CACNB2: variants seen among roughly 807,000 people sequenced by gnomAD.
CACNB2 encodes calcium voltage-gated channel auxiliary subunit beta 2.
A neutral mutation model predicts 73.3 loss-of-function variants in CACNB2; 42 were observed. That is an observed-to-expected ratio of 0.57 (90% CI 0.45 to 0.74). The LOEUF (loss-of-function observed/expected upper bound fraction) is 0.74. Ranked by LOEUF, CACNB2 falls within the 30% of genes least tolerant of loss-of-function variation. CACNB2 has a pLI of 0.00. For synonymous variants in CACNB2, 348 were observed against 310.3 expected, an observed-to-expected ratio of 1.12 and a Z score of -1.28; for missense variants, 940 against 853.0, an observed-to-expected ratio of 1.10 and a Z score of -1.27.
chr10:18,379,201 T>C (rs1456850999), intron 2 of CACNB2, among the ~76,000 whole-genome samples: 2 of 152,150 alleles, frequency 1.3e-5, no homozygotes, highest in Non-Finnish European at 2.9e-5. Flanking sequence ...CACTTCTATT[T>C]ATTTTTATTT....
intron 2 of CACNB2, among the ~76,000 whole-genome samples, chr10:18,367,967 G>A (rs565861546): frequency 7.2e-5 from 11 of 152,224 alleles, no homozygotes; most frequent in South Asian, 2.1e-4. Context: ...TATTTTGGCC[G>A]TCTGGTCATA....
chr10:18,145,035 A>T (rs1189605339), intron 1 of CACNB2, among the ~76,000 whole-genome samples: 3 of 152,152 alleles, frequency 2.0e-5, no homozygotes, highest in Non-Finnish European at 4.4e-5. Context: ...CCTCAGAGAG[A>T]TTGTCAGTGG....
chr10:18,158,092 T>G (rs570437259), intron 2 of CACNB2, among the ~76,000 whole-genome samples: 2 of 152,272 alleles, frequency 1.3e-5, no homozygotes, highest in African/African-American at 2.4e-5. Flanking sequence ...GAACATAAAC[T>G]TTTTGGAATT....
chr10:18,541,169 C>T lies in CACNB2; in HGVS notation c.*1445C>T, dbSNP rs1418801424. The T allele has an allele frequency of 6.6e-6, 1 of 152,646 alleles. No individual in the cohort carries two copies. The highest frequency in any genetic ancestry group is 1.9e-4 in the East Asian group (1 of 5,192). The allele number at this position is 152,646 out of a possible 1,614,324, so 9.5% of individuals were successfully genotyped here. A position where few individuals can be genotyped will look rare whatever the true frequency, so the allele number is the denominator to read the frequency against. On this transcript the variant is annotated 3_prime_UTR_variant, in exon 14 of 14. Transcript: ENST00000324631. The stretch of plus-strand genomic sequence containing the variant: ...GTTTGTTTACCTCCCAGTTACCTAC[C>T]ATTCCTCCCCACCACCGACTCCAGC...
intron 2 of CACNB2, among the ~76,000 whole-genome samples, chr10:18,178,662 A>G (rs892203318): frequency 1.3e-5 from 2 of 152,222 alleles, no homozygotes; most frequent in Non-Finnish European, 2.9e-5. Flanking sequence ...AAAAGCAAAC[A>G]TCTGGCAAGG....
intron 2 of CACNB2, among the ~76,000 whole-genome samples, chr10:18,369,851 G>T (rs2042504258): frequency 6.6e-6 from 1 of 152,228 alleles, no homozygotes; most frequent in Non-Finnish European, 1.5e-5. Context: ...AGGTTGCAGA[G>T]AGCCGAGATC....
intron 2 of CACNB2, among the ~76,000 whole-genome samples, chr10:18,328,978 C>G (rs1382724900): frequency 6.6e-6 from 1 of 152,204 alleles, no homozygotes; most frequent in Non-Finnish European, 1.5e-5. Context: ...TGATTGCTCT[C>G]AGGGCTCTCA....
At chr10:18,396,449 T>C (rs764122161) in intron 2 of CACNB2, among the ~76,000 whole-genome samples, 4 of 152,188 alleles carry the variant, frequency 2.6e-5, no homozygotes, top group Non-Finnish European at 5.9e-5. Context: ...CCCTTGGTCC[T>C]GGCCCGCTGA....
At chr10:18,307,829 G>T (rs2039792750) in intron 2 of CACNB2, among the ~76,000 whole-genome samples, 1 of 152,028 alleles carries the variant, frequency 6.6e-6, no homozygotes, top group South Asian at 2.1e-4. Flanking sequence ...GATAATGAAA[G>T]AAATATAATT....
intron 5 of CACNB2, among the ~76,000 whole-genome samples, chr10:18,505,879 C>T (rs534404831): frequency 1.3e-5 from 2 of 152,190 alleles, no homozygotes; most frequent in African/African-American, 2.4e-5. Flanking sequence ...ACGTGAGTCA[C>T]GCTTGAGAAG....
In CACNB2 at chr10:18,464,418, T is replaced by TAAAAAAAAAAAAAAAAA. The variant is rs762982462; in HGVS notation, c.334-33931_334-33915dup. On this transcript the variant is annotated intron_variant, in intron 3 of 13. Transcript: ENST00000324631. ...CAGAGTGAGACCCTGTCTCAAAAAT[T>TAAAAAAAAAAAAAAAAA]AAAAAAAAAAAAAAAAAAAAAAGAA... is the stretch of plus-strand genomic sequence containing the variant. Among the ~76,000 whole-genome samples, 160 of 85,206 alleles carry TAAAAAAAAAAAAAAAAA rather than the reference T, an allele frequency of 1.9e-3. 1 individual carries two copies. Among genetic ancestry groups the TAAAAAAAAAAAAAAAAA allele is most frequent in the East Asian group, 4.4e-3 (11 of 2,476 alleles). The allele number at this position is 85,206 out of a possible 152,430, so 55.9% of individuals were successfully genotyped here. A position where few individuals can be genotyped will look rare whatever the true frequency, so the allele number is the denominator to read the frequency against.
chr10:18,361,334 T>TA (rs113930288), intron 2 of CACNB2, among the ~76,000 whole-genome samples: 1,526 of 136,466 alleles, frequency 0.011, 7 homozygotes, highest in Middle Eastern at 0.03. Flanking sequence ...TACAAAAAAT[T>TA]AAAAAAAAAA....
chr10:18,311,406 C>T (rs569007128), intron 2 of CACNB2, among the ~76,000 whole-genome samples: 6 of 152,080 alleles, frequency 3.9e-5, no homozygotes, highest in South Asian at 4.2e-4. Context: ...AGCAATGTGG[C>T]GGTTAGGGGC....
intron 2 of CACNB2, among the ~76,000 whole-genome samples, chr10:18,182,980 C>T (rs534647284): frequency 1.5e-3 from 226 of 151,892 alleles, no homozygotes; most frequent in African/African-American, 5.0e-3. Context: ...AAATAGTATA[C>T]AAATTGAATT....
chr10:18,377,937 A>G (rs1182118409), intron 2 of CACNB2, among the ~76,000 whole-genome samples: 1 of 152,216 alleles, frequency 6.6e-6, no homozygotes, highest in Non-Finnish European at 1.5e-5. Flanking sequence ...GAGTAAAATT[A>G]TAATTATGAT....
At chr10:18,173,810 A>G (rs1401542350) in intron 2 of CACNB2, among the ~76,000 whole-genome samples, 3 of 152,122 alleles carry the variant, frequency 2.0e-5, no homozygotes, top group Non-Finnish European at 2.9e-5. Context: ...TGTCTGTTAT[A>G]TTTTTGCAGG....
At chr10:18,395,415 C>G (rs188659656) in intron 2 of CACNB2, among the ~76,000 whole-genome samples, 109 of 151,858 alleles carry the variant, frequency 7.2e-4, no homozygotes, top group Non-Finnish European at 1.3e-3. Context: ...TTTTTCTTGT[C>G]TCTCATAGCC....
At chr10:18,232,790 T>C (rs1229458375) in intron 2 of CACNB2, among the ~76,000 whole-genome samples, 1 of 152,188 alleles carries the variant, frequency 6.6e-6, no homozygotes, top group African/African-American at 2.4e-5. Flanking sequence ...CCAGTATCTT[T>C]TGAATAGCTT....
At chr10:18,336,972 A>G (rs1365843828) in intron 2 of CACNB2, among the ~76,000 whole-genome samples, 1 of 152,146 alleles carries the variant, frequency 6.6e-6, no homozygotes, top group Non-Finnish European at 1.5e-5. Context: ...TCAAACCACT[A>G]CTTAGTAACC....
Sources: allele counts gnomAD v4.1 joint callset (sites outside exome capture counted in the v4.1 genomes callset), GRCh38; gene constraint gnomAD v4.1.1; transcripts MANE v1.5; gene names NCBI Gene and HGNC (gene_info 2026-07-23, HGNC 2026-07-21).